Variants in EYA1 observed in about 807,000 individuals in gnomAD.
EYA1 encodes the protein EYA transcriptional coactivator and phosphatase 1, also known as protein phosphatase EYA1.
Under a neutral mutation model 82.0 loss-of-function variants are expected in EYA1, and 16 were observed. That is an observed-to-expected ratio of 0.20 (90% CI 0.13 to 0.30). The LOEUF is 0.30. Among genes scored for constraint, EYA1 ranks in the 10% least tolerant of loss-of-function variants. The probability of loss-of-function intolerance (pLI) is 1.00; values close to 1 mark genes in which losing one functional copy is unlikely to be tolerated. For synonymous variants in EYA1, 261 were observed against 264.4 expected, an observed-to-expected ratio of 0.99 and a Z score of 0.12; for missense variants, 633 against 730.7, an observed-to-expected ratio of 0.87 and a Z score of 1.54.
chr8:71,515,333 T>C (rs1812898019), intron 2 of EYA1, among the ~76,000 whole-genome samples: 1 of 152,064 alleles, frequency 6.6e-6, no homozygotes. Context: ...TGCTCTAGTC[T>C]CTCCAGTTCT....
rs900193731 is a variant in EYA1, at chr8:71,457,848, C to G, written c.33+77896G>C. 3.3e-5 allele frequency among the ~76,000 whole-genome samples: 5 copies of G among 152,098 alleles called. No homozygotes were observed. In the South Asian group the frequency reaches 1.0e-3, roughly 32 times the overall value. On this transcript the variant is annotated intron_variant, in intron 2 of 18. Coordinates refer to the EYA1 transcript ENST00000643681. ...TGTATACATATGTAACAAACCTGCACGTTATGCACATGTACCCTAGAACTT... is the reference window on the plus strand; with the variant it reads ...TGTATACATATGTAACAAACCTGCAGGTTATGCACATGTACCCTAGAACTT...
chr8:71,474,429 A>G (rs1809489184), intron 2 of EYA1, among the ~76,000 whole-genome samples: 1 of 152,104 alleles, frequency 6.6e-6, no homozygotes, highest in South Asian at 2.1e-4. Context: ...TCTGCTCAGC[A>G]ACTGTGCCAT....
intron 17 of EYA1, 135 bp from the exon 18 acceptor site, chr8:71,199,555 T>C (rs2128802180): frequency 8.6e-6 from 6 of 695,412 alleles, no homozygotes; most frequent in South Asian, 7.6e-5. Flanking sequence ...TAACATCACA[T>C]CTGTTTAAAA....
At chr8:71,253,209 T>TA (rs1360280251) in intron 11 of EYA1, among the ~76,000 whole-genome samples, 2 of 152,144 alleles carry the variant, frequency 1.3e-5, no homozygotes, top group Admixed American at 1.3e-4. Context: ...TCAGCTACCA[T>TA]AATACTAAAG....
chr8:71,541,063 TC>T (rs1160668956), intron 1 of EYA1, among the ~76,000 whole-genome samples: 1 of 152,216 alleles, frequency 6.6e-6, no homozygotes, highest in African/African-American at 2.4e-5. Context: ...AGGTGCCATG[TC>T]TGTCACCTCT....
At chr8:71,321,640 T>C (rs971334853) in intron 6 of EYA1, 94 bp downstream of exon 6, 13 of 1,475,904 alleles carry the variant, frequency 8.8e-6, no homozygotes, top group African/African-American at 8.4e-5. Context: ...ACGTTCTAAA[T>C]TGGCCAAAGA....
At chr8:71,519,996 G>A (rs1465197484) in intron 2 of EYA1, among the ~76,000 whole-genome samples, 1 of 152,210 alleles carries the variant, frequency 6.6e-6, no homozygotes, top group East Asian at 1.9e-4. Flanking sequence ...TATGTGGCTT[G>A]TAAGCACAGT....
chr8:71,243,555 A>T (rs1812736732), intron 12 of EYA1, among the ~76,000 whole-genome samples: 1 of 152,232 alleles, frequency 6.6e-6, no homozygotes, highest in Admixed American at 6.5e-5. Flanking sequence ...TAATAACTTT[A>T]TTGCACTGGA....
At chr8:71,291,215 G>A (rs114653645) in intron 9 of EYA1, among the ~76,000 whole-genome samples, 301 of 152,306 alleles carry the variant, frequency 2.0e-3, no homozygotes, top group African/African-American at 7.1e-3. Context: ...CGGGAGTTTA[G>A]TTTTTTAACC....
intron 2 of EYA1, among the ~76,000 whole-genome samples, chr8:71,370,332 C>A (rs1217234246): frequency 6.7e-6 from 1 of 149,642 alleles, no homozygotes; most frequent in Non-Finnish European, 1.5e-5. Flanking sequence ...GTTAGCTGGT[C>A]TATCGGCCAG....
chr8:71,499,015 C>T (rs962249531), intron 2 of EYA1, among the ~76,000 whole-genome samples: 1 of 152,186 alleles, frequency 6.6e-6, no homozygotes, highest in African/African-American at 2.4e-5. Flanking sequence ...CCAGCTCTGG[C>T]AGGAGCCAAT....
At chr8:71,287,061 A>C (rs1004072137) in intron 9 of EYA1, among the ~76,000 whole-genome samples, 2 of 151,996 alleles carry the variant, frequency 1.3e-5, no homozygotes, top group African/African-American at 4.8e-5. Flanking sequence ...CGGCCTCCCA[A>C]AGTGCTGGGA....
intron 2 of EYA1, among the ~76,000 whole-genome samples, chr8:71,450,530 C>A (rs1437134387): frequency 1.3e-5 from 2 of 152,092 alleles, no homozygotes; most frequent in African/African-American, 2.4e-5. Context: ...AATCAGAGAT[C>A]AAAAATTACA....
intron 2 of EYA1, among the ~76,000 whole-genome samples, chr8:71,521,020 C>T (rs757728252): frequency 2.6e-4 from 39 of 151,584 alleles, no homozygotes; most frequent in Non-Finnish European, 5.4e-4. Context: ...AGACTGGACA[C>T]AATAGGTTAA....
rs1827210815 is a variant in EYA1 at position 71,359,779 on chromosome 8, G to A, written c.-55+1868C>T. Among the ~76,000 whole-genome samples, 3 of 152,042 alleles carry A rather than the reference G, an allele frequency of 2.0e-5. No individual in the cohort carries two copies. The South Asian group carries it at 6.2e-4, about 32-fold the overall frequency. ...AAGAAATTTTCAAAGTGAAAGTACT[G>A]AGCTTATCTAAATAAATAGAGTTGG... On this transcript the variant is annotated intron_variant, in intron 1 of 17. Transcript: ENST00000340726.
In EYA1 at chr8:71,418,910, G is replaced by A. The variant is rs183104326; in HGVS notation, c.34-62399C>T. On this transcript the variant is annotated intron_variant, in intron 2 of 18. Coordinates refer to the EYA1 transcript ENST00000643681. ...GGACCTAAAGGAAGTAAGAAAGTAGGCTACAGAGATATCTGGGGGAGAGCA... is the reference window on the plus strand; with the variant it reads ...GGACCTAAAGGAAGTAAGAAAGTAGACTACAGAGATATCTGGGGGAGAGCA... 2.0e-5 allele frequency among the ~76,000 whole-genome samples: 3 copies of A among 152,282 alleles called. No homozygotes were observed. The East Asian group carries it at 5.8e-4, about 29-fold the overall frequency.
At chr8:71,324,801 G>A (rs79975822) in intron 4 of EYA1, among the ~76,000 whole-genome samples, 3,593 of 152,168 alleles carry the variant, frequency 0.024, 138 homozygotes, top group African/African-American at 0.082. Flanking sequence ...TGACTCAGGT[G>A]GCTCCCCGAC....
At chr8:71,260,392 C>A (rs1281176666) in intron 11 of EYA1, among the ~76,000 whole-genome samples, 2 of 152,072 alleles carry the variant, frequency 1.3e-5, no homozygotes, top group Non-Finnish European at 2.9e-5. Context: ...TAATTCTTAT[C>A]CTATTATTTT....
At chr8:71,217,760 G>A (rs1300506589) in intron 12 of EYA1, among the ~76,000 whole-genome samples, 2 of 151,984 alleles carry the variant, frequency 1.3e-5, no homozygotes, top group African/African-American at 2.4e-5. Context: ...AGTTTATTAT[G>A]GCATAATGTT....
Sources: allele counts gnomAD v4.1 joint callset (sites outside exome capture counted in the v4.1 genomes callset), GRCh38; gene constraint gnomAD v4.1.1; transcripts MANE v1.5; gene names NCBI Gene and HGNC (gene_info 2026-07-23, HGNC 2026-07-21).